Variants in LRRC7 observed in about 807,000 individuals in gnomAD.
LRRC7 encodes the protein leucine-rich repeat-containing protein 7.
LRRC7 carries 23 observed loss-of-function variants against 175.7 expected under a neutral mutation model. The ratio of observed to expected loss-of-function variants is 0.13; its 90% CI spans 0.09 to 0.19. LRRC7 has a LOEUF of 0.19. Ranked by LOEUF, LRRC7 falls within the 10% of genes least tolerant of loss-of-function variation. The probability of loss-of-function intolerance (pLI) is 1.00; values close to 1 mark genes in which losing one functional copy is unlikely to be tolerated. For synonymous variants in LRRC7, 685 were observed against 680.9 expected (o/e 1.01, Z -0.09); for missense variants, 1,354 against 1,904.7 (o/e 0.71, Z 5.38).
chr1:69,575,632 T>G (rs1645914849), intron 1 of LRRC7, among the ~76,000 whole-genome samples: 1 of 150,854 alleles, frequency 6.6e-6, no homozygotes, highest in African/African-American at 2.4e-5. Flanking sequence ...TATCCTTTCT[T>G]AAAACATTAA....
chr1:69,853,277 T>C (rs1331438665), intron 7 of LRRC7, among the ~76,000 whole-genome samples: 6 of 134,320 alleles, frequency 4.5e-5, no homozygotes, highest in African/African-American at 8.3e-5. Flanking sequence ...TTTCTTTTTT[T>C]TTTTTTTTTT....
chr1:69,621,330 G>A (rs923995352), intron 1 of LRRC7, among the ~76,000 whole-genome samples: 3 of 152,142 alleles, frequency 2.0e-5, no homozygotes, highest in Admixed American at 6.5e-5. Flanking sequence ...ATAGGAGTGA[G>A]CCACCGCACC....
chr1:69,787,595 T>G (rs1246380413), intron 3 of LRRC7, among the ~76,000 whole-genome samples: 2 of 152,222 alleles, frequency 1.3e-5, no homozygotes, highest in Admixed American at 1.3e-4. Flanking sequence ...CTGCCAAGGC[T>G]TGGGGCTTGC....
At chr1:69,708,638 G>T (rs1310064831) in intron 2 of LRRC7, among the ~76,000 whole-genome samples, 3 of 152,150 alleles carry the variant, frequency 2.0e-5, no homozygotes, top group Non-Finnish European at 4.4e-5. Flanking sequence ...TTGGTTGGGG[G>T]CCTGATGGTA....
At position 69,692,092 on chromosome 1, in the gene LRRC7, T is replaced by C. The variant is rs901940097; in HGVS notation, c.100+13614T>C. 4.6e-5 allele frequency among the ~76,000 whole-genome samples: 7 copies of C among 152,278 alleles called. No individual in the cohort carries two copies. In the East Asian group the frequency reaches 1.4e-3, roughly 30 times the overall value. On this transcript the variant is annotated intron_variant, in intron 2 of 26. Transcript: ENST00000651989. Reference sequence around the variant, plus strand: ...AATATACTCTAGAAATGGGCATACCTATCCACCTAAACACAGCAGTACAAG... The same window carrying C: ...AATATACTCTAGAAATGGGCATACCCATCCACCTAAACACAGCAGTACAAG...
chr1:69,746,543 A>G (rs943465293), intron 2 of LRRC7, among the ~76,000 whole-genome samples: 70 of 152,126 alleles, frequency 4.6e-4, no homozygotes, highest in African/African-American at 1.5e-3. Flanking sequence ...GATGAATCTA[A>G]TTCCAAACAA....
At chr1:69,810,212 C>A (rs1677661679) in intron 4 of LRRC7, among the ~76,000 whole-genome samples, 1 of 152,090 alleles carries the variant, frequency 6.6e-6, no homozygotes, top group African/African-American at 2.4e-5. Flanking sequence ...ATACAACTTA[C>A]AAGGAATGTG....
chr1:69,782,014 A>T (rs1673819845), intron 3 of LRRC7, among the ~76,000 whole-genome samples: 1 of 152,148 alleles, frequency 6.6e-6, no homozygotes, highest in Admixed American at 6.5e-5. Flanking sequence ...ACTGATTTTG[A>T]ATCTTAGCTC....
intron 22 of LRRC7, among the ~76,000 whole-genome samples, chr1:70,045,192 A>G (rs1171615564): frequency 2.0e-5 from 3 of 152,044 alleles, no homozygotes; most frequent in South Asian, 2.1e-4. Flanking sequence ...AAAACACTAA[A>G]TTGAAAACTT....
chr1:69,838,974 CAATT>C (rs748512931), intron 7 of LRRC7: 5 of 183,778 alleles, frequency 2.7e-5, no homozygotes, highest in Non-Finnish European at 5.9e-5. Context: ...GTTTTTTACT[CAATT>C]AAATCAGTAT....
At chr1:70,065,461 G>T (rs1661898929) in intron 23 of LRRC7, among the ~76,000 whole-genome samples, 1 of 151,856 alleles carries the variant, frequency 6.6e-6, no homozygotes, top group Non-Finnish European at 1.5e-5. Context: ...TTAATTAATG[G>T]TAGCTATCAT....
chr1:70,119,646 G>A (rs531344652), intron 26 of LRRC7, among the ~76,000 whole-genome samples: 3 of 130,906 alleles, frequency 2.3e-5, no homozygotes, highest in East Asian at 4.4e-4. Context: ...TACCAATTTC[G>A]CCCTTAACAC....
intron 9 of LRRC7, among the ~76,000 whole-genome samples, chr1:69,982,831 A>G (rs1215706557): frequency 2.0e-5 from 3 of 152,230 alleles, no homozygotes; most frequent in Non-Finnish European, 2.9e-5. Context: ...TGTGGGATCA[A>G]CATTCAATAT....
At chr1:69,895,088 C>T (rs1021916512) in intron 7 of LRRC7, among the ~76,000 whole-genome samples, 1 of 152,038 alleles carries the variant, frequency 6.6e-6, no homozygotes, top group Middle Eastern at 3.2e-3. Context: ...CAAAATTAGC[C>T]AGGCGTGGTG....
chr1:69,713,122 T>A (rs764636232), intron 2 of LRRC7, among the ~76,000 whole-genome samples: 1 of 152,150 alleles, frequency 6.6e-6, no homozygotes, highest in African/African-American at 2.4e-5. Flanking sequence ...GCATATAATT[T>A]TACCTATTGT....
At chr1:69,715,411 A>G (rs1665229471) in intron 2 of LRRC7, among the ~76,000 whole-genome samples, 1 of 152,138 alleles carries the variant, frequency 6.6e-6, no homozygotes, top group Non-Finnish European at 1.5e-5. Context: ...TTTATTTCCC[A>G]TATCAACCAT....
At chr1:70,117,914 C>T (rs920154739) in intron 26 of LRRC7, among the ~76,000 whole-genome samples, 1 of 151,970 alleles carries the variant, frequency 6.6e-6, no homozygotes, top group Non-Finnish European at 1.5e-5. Flanking sequence ...TTCTTCAAAT[C>T]GTCTTTTGCA....
chr1:69,727,264 G>A (rs971702270), intron 2 of LRRC7, among the ~76,000 whole-genome samples: 2 of 152,196 alleles, frequency 1.3e-5, no homozygotes, highest in African/African-American at 2.4e-5. Flanking sequence ...ATTCCATCCT[G>A]CAAGGGATCT....
At chr1:69,677,563 C>T (rs1188440256) in intron 1 of LRRC7, among the ~76,000 whole-genome samples, 1 of 151,904 alleles carries the variant, frequency 6.6e-6, no homozygotes, top group Non-Finnish European at 1.5e-5. Flanking sequence ...TTTTCACATC[C>T]ATGCCAACAT....
Sources: allele counts gnomAD v4.1 joint callset (sites outside exome capture counted in the v4.1 genomes callset), GRCh38; gene constraint gnomAD v4.1.1; transcripts MANE v1.5; gene names NCBI Gene and HGNC (gene_info 2026-07-23, HGNC 2026-07-21).